Variants in DIS3L2 observed in about 807,000 individuals in gnomAD.
The protein encoded by DIS3L2 is DIS3-like exonuclease 2.
In DIS3L2, 34 loss-of-function variants were observed where a neutral mutation model predicts 97.5. The observed-to-expected ratio is 0.35, with a 90% CI of 0.27 to 0.46. The LOEUF (loss-of-function observed/expected upper bound fraction) is 0.46. Ranked by LOEUF, DIS3L2 falls within the 20% of genes least tolerant of loss-of-function variation. The pLI is 1.00. For synonymous variants in DIS3L2, 435 were observed against 445.2 expected (o/e 0.98, Z 0.29); for missense variants, 1,038 against 1,146.0 (o/e 0.91, Z 1.36).
chr2:232,259,556 T>C (rs185709273), intron 12 of DIS3L2, among the ~76,000 whole-genome samples: 38 of 152,240 alleles, frequency 2.5e-4, no homozygotes, highest in African/African-American at 8.7e-4. Flanking sequence ...TGGAACTTGC[T>C]GCTACGTTTT....
intron 10 of DIS3L2, among the ~76,000 whole-genome samples, chr2:232,213,661 G>GTTTT (rs67846645): frequency 0.12 from 9,781 of 80,126 alleles, 776 homozygotes; most frequent in South Asian, 0.27. Context: ...ATCATCTGTA[G>GTTTT]TTTTTTTTTT....
intron 1 of DIS3L2, among the ~76,000 whole-genome samples, chr2:231,998,124 T>C (rs1395654168): frequency 6.6e-6 from 1 of 152,194 alleles, no homozygotes; most frequent in African/African-American, 2.4e-5. Flanking sequence ...CTGTCTTAAT[T>C]TGATTTCTGT....
intron 10 of DIS3L2, among the ~76,000 whole-genome samples, chr2:232,230,371 G>A (rs560187156): frequency 5.3e-5 from 8 of 152,316 alleles, no homozygotes; most frequent in East Asian, 1.9e-4. Flanking sequence ...CGCTGGTGCC[G>A]TTTGAACAGC....
chr2:232,080,612 A>T lies in DIS3L2; in HGVS notation c.367-6875A>T, dbSNP rs1696358674. ...TTTTCCCTTTCTTTTCTTCTTTAAA[A>T]ATACAGGGCTGGGCATGGTGGCTCA... On this transcript the variant is annotated intron_variant, in intron 5 of 20. Coordinates refer to ENST00000325385, the MANE Select transcript of DIS3L2 (RefSeq NM_152383.5). Among the ~76,000 whole-genome samples, 3 of 152,020 alleles carry T rather than the reference A, an allele frequency of 2.0e-5. No individual in the cohort carries two copies. The South Asian group carries it at 6.2e-4, about 32-fold the overall frequency.
chr2:232,086,613 G>GTATATATA lies in DIS3L2; in HGVS notation c.367-865_367-858dup, dbSNP rs1159140399. Among the ~76,000 whole-genome samples, 325 of 103,762 alleles carry GTATATATA rather than the reference G, an allele frequency of 3.1e-3. 8 individuals are homozygous for GTATATATA. The highest frequency in any genetic ancestry group is 0.014 in the Middle Eastern group (3 of 218). The allele number at this position is 103,762 out of a possible 152,430, so 68.1% of individuals were successfully genotyped here. On this transcript the variant is annotated intron_variant, in intron 5 of 20. Transcript: ENST00000325385. The stretch of plus-strand genomic sequence containing the variant: ...TATATATATATATATGTGTGTGTGT[G>GTATATATA]TATATATATATATATACACATATAT...
In DIS3L2 at chr2:232,030,027, G is replaced by A. The variant is rs1694761855; in HGVS notation, c.313G>A (p.Ala105Thr). The A allele has an allele frequency of 1.9e-6, 3 of 1,610,008 alleles. No individual in the cohort carries two copies. The highest frequency in any genetic ancestry group is 2.5e-6 in the Non-Finnish European group (3 of 1,178,478). The change falls in exon 5 of 21, where the codon GCC (alanine) becomes ACC (threonine). Residue 105 changes from alanine to threonine, a missense_variant. Physicochemically the swap from Ala to Thr is moderately conservative, Grantham distance 58. Around this residue, in one of 3 missense-constraint regions of DIS3L2, gnomAD observed 813 missense variants for 880.1 expected, o/e 0.92. Transcript: ENST00000325385. ...FIDGVVARNR[A>T]LNGDLVVVKL... ...TGATGGGGTTGTTGCTCGTAATAGA[G>A]CCTTAAATGGGGATCTGGTGGTCGT... is the stretch of plus-strand genomic sequence containing the variant.
intron 5 of DIS3L2, among the ~76,000 whole-genome samples, chr2:232,051,811 CAAAAAAAA>C (rs58851349): frequency 1.3e-4 from 5 of 37,062 alleles, no homozygotes; most frequent in Non-Finnish European, 1.9e-4. Context: ...GACTCCGTCT[CAAAAAAAA>C]AAAAAAAAAA....
intron 10 of DIS3L2, among the ~76,000 whole-genome samples, chr2:232,221,826 T>C (rs1010357552): frequency 2.6e-5 from 4 of 152,078 alleles, no homozygotes; most frequent in Non-Finnish European, 5.9e-5. Flanking sequence ...AAAATTCCAC[T>C]TCAGGGCAAT....
intron 5 of DIS3L2, among the ~76,000 whole-genome samples, chr2:232,052,703 C>G (rs147171216): frequency 6.6e-6 from 1 of 152,348 alleles, no homozygotes; most frequent in African/African-American, 2.4e-5. Context: ...TTCCCCTACT[C>G]ATCTTTCTAG....
intron 1 of DIS3L2, 32 bp from the exon 2 acceptor site, chr2:232,014,803 C>G: frequency 2.9e-6 from 3 of 1,017,614 alleles, no homozygotes; most frequent in Non-Finnish European, 2.9e-6. Flanking sequence ...AGCTTAACCG[C>G]TCTCCAATTA....
Position 231,966,760 on chromosome 2 carries a change from T to C in DIS3L2, c.-94+4995T>C, listed in dbSNP as rs76556068. 7.3e-3 allele frequency among the ~76,000 whole-genome samples: 1,057 copies of C among 145,478 alleles called. 20 individuals carry two copies. The highest frequency in any genetic ancestry group is 0.026 in the African/African-American group (1,001 of 39,056). On this transcript the variant is annotated intron_variant, in intron 1 of 20. Coordinates refer to ENST00000325385, the MANE Select transcript of DIS3L2 (RefSeq NM_152383.5). The stretch of plus-strand genomic sequence containing the variant: ...TCCTCCTGCCTCAGCCTCTCAAATA[T>C]TGGAGTTACAGGCATGAATCACTGT...
chr2:232,341,139 C>A (rs1372953115), downstream of DIS3L2: 16 of 359,828 alleles, frequency 4.4e-5, no homozygotes, highest in South Asian at 3.4e-4. Context: ...AGATACATGT[C>A]CCTCGCCTTC....
intron 12 of DIS3L2, among the ~76,000 whole-genome samples, chr2:232,251,783 G>C (rs1014704620): frequency 6.6e-6 from 1 of 152,194 alleles, no homozygotes; most frequent in Non-Finnish European, 1.5e-5. Flanking sequence ...TCTAATTTCT[G>C]AAGAACTGTG....
chr2:232,186,028 A>G (rs1306699988), intron 9 of DIS3L2, among the ~76,000 whole-genome samples: 1 of 152,218 alleles, frequency 6.6e-6, no homozygotes, highest in African/African-American at 2.4e-5. Context: ...ACAGGATCTC[A>G]CTATGTTGCC....
intron 9 of DIS3L2, among the ~76,000 whole-genome samples, chr2:232,165,359 A>G (rs986150877): frequency 1.3e-5 from 2 of 152,214 alleles, no homozygotes; most frequent in African/African-American, 4.8e-5. Flanking sequence ...ACATATACAT[A>G]TATGTGTGTA....
intron 5 of DIS3L2, among the ~76,000 whole-genome samples, chr2:232,042,772 G>C (rs1379197022): frequency 1.3e-5 from 2 of 152,140 alleles, no homozygotes; most frequent in Non-Finnish European, 2.9e-5. Flanking sequence ...TAATATTTCA[G>C]GGTTATTTTC....
At chr2:232,086,658 T>TACAC (rs1194501691) in intron 5 of DIS3L2, among the ~76,000 whole-genome samples, 10 of 27,494 alleles carry the variant, frequency 3.6e-4, no homozygotes, top group African/African-American at 6.8e-4. Flanking sequence ...TATATATATA[T>TACAC]ATGTGTGTGT....
At position 232,335,687 on chromosome 2, in the gene DIS3L2, G is replaced by A. The variant is rs970006664; in HGVS notation, c.2395-86G>A. Reference sequence around the variant, plus strand: ...GGGCCAGGGCCGAGGGCTGAGGGCCGCCTCCAAGCATTGAAGCCCTCCAGG... The same window carrying A: ...GGGCCAGGGCCGAGGGCTGAGGGCCACCTCCAAGCATTGAAGCCCTCCAGG... On this transcript the variant is annotated intron_variant, in intron 19 of 20. Coordinates refer to ENST00000325385, the MANE Select transcript of DIS3L2 (RefSeq NM_152383.5). 202 of 1,445,634 alleles carry A rather than the reference G, an allele frequency of 1.4e-4. No individual in the cohort carries two copies. The African/African-American group carries it at 1.6e-3, about 11-fold the overall frequency. The allele number at this position is 1,445,634 out of a possible 1,614,324, so 89.6% of individuals were successfully genotyped here.
At chr2:232,342,126 T>TATATATACACATATAC (rs757178014), downstream of DIS3L2, among the ~76,000 whole-genome samples, 5 of 152,074 alleles carry the variant, frequency 3.3e-5, no homozygotes, top group African/African-American at 7.3e-5. Flanking sequence ...GTGTAGCATA[T>TATATATACACATATAC]ATATATACAC....
Sources: allele counts gnomAD v4.1 joint callset (sites outside exome capture counted in the v4.1 genomes callset), GRCh38; gene constraint gnomAD v4.1.1; regional missense constraint gnomAD v4.1.1; transcripts MANE v1.5; gene names NCBI Gene and HGNC (gene_info 2026-07-23, HGNC 2026-07-21).